Variants in PDE4D observed in about 807,000 individuals in gnomAD.
The protein encoded by PDE4D is 3',5'-cyclic-AMP phosphodiesterase 4D.
In PDE4D, 24 loss-of-function variants were observed where a neutral mutation model predicts 87.4. The observed-to-expected ratio is 0.27, with a 90% CI of 0.20 to 0.39. The LOEUF (loss-of-function observed/expected upper bound fraction) is 0.39. Among genes scored for constraint, PDE4D ranks in the 10% least tolerant of loss-of-function variants. PDE4D has a pLI of 1.00. For synonymous variants in PDE4D, 384 were observed against 383.2 expected (o/e 1.00, Z -0.02); for missense variants, 714 against 1,041.0 (o/e 0.69, Z 4.32).
intron 5 of PDE4D, among the ~76,000 whole-genome samples, chr5:59,163,587 A>G (rs944158854): frequency 1.3e-5 from 2 of 152,178 alleles, no homozygotes; most frequent in Non-Finnish European, 2.9e-5. Context: ...TGAACAATCT[A>G]TCGTACAAAT....
At chr5:59,427,651 C>G (rs971929836) in intron 1 of PDE4D, among the ~76,000 whole-genome samples, 1 of 151,990 alleles carries the variant, frequency 6.6e-6, no homozygotes, top group Non-Finnish European at 1.5e-5. Context: ...CTGGGCAACA[C>G]AGCAAGACCC....
At chr5:60,219,742 T>C (rs79896938) in intron 1 of PDE4D, among the ~76,000 whole-genome samples, 1,572 of 152,254 alleles carry the variant, frequency 0.01, 29 homozygotes, top group African/African-American at 0.036. Flanking sequence ...ACCTTAGATA[T>C]GGCAAGAAAA....
chr5:59,135,053 C>A (rs1386132244), intron 5 of PDE4D, among the ~76,000 whole-genome samples: 1 of 152,058 alleles, frequency 6.6e-6, no homozygotes, highest in Non-Finnish European at 1.5e-5. Context: ...CAGTGCGCAC[C>A]AACAAGAAGA....
At chr5:60,106,333 T>C (rs1392243180) in intron 2 of PDE4D, among the ~76,000 whole-genome samples, 1 of 151,724 alleles carries the variant, frequency 6.6e-6, no homozygotes, top group Non-Finnish European at 1.5e-5. Flanking sequence ...ATGCACCCAA[T>C]ACAGGAGCAC....
At chr5:59,301,530 C>A (rs1050719420) in intron 1 of PDE4D, among the ~76,000 whole-genome samples, 4 of 151,866 alleles carry the variant, frequency 2.6e-5, no homozygotes, top group African/African-American at 9.7e-5. Context: ...TGCCTTTTTT[C>A]CTCTGTAAAT....
Position 60,199,499 on chromosome 5 carries a change from T to C in PDE4D, c.-89-13812A>G, listed in dbSNP as rs191948377. On this transcript the variant is annotated intron_variant, in intron 1 of 16. Coordinates refer to the PDE4D transcript ENST00000502484. The stretch of plus-strand genomic sequence containing the variant: ...AAATATTATTGTGCTAATAGATGAA[T>C]TTCTTAGTGAAAATGGAAAATGGCA... Among the ~76,000 whole-genome samples the C allele has an allele frequency of 2.0e-5, 3 of 151,828 alleles. No individual in the cohort carries two copies. The East Asian group carries it at 5.8e-4, about 29-fold the overall frequency.
At chr5:59,762,260 G>A (rs1580954893) in intron 1 of PDE4D, among the ~76,000 whole-genome samples, 1 of 112,600 alleles carries the variant, frequency 8.9e-6, no homozygotes, top group East Asian at 2.3e-4. Context: ...GTACACATAT[G>A]CGTATATGTG....
At chr5:59,183,629 G>A (rs1365004724) in intron 4 of PDE4D, among the ~76,000 whole-genome samples, 2 of 152,182 alleles carry the variant, frequency 1.3e-5, no homozygotes, top group African/African-American at 2.4e-5. Flanking sequence ...CTGCAGAGCT[G>A]AGACTTTCTA....
intron 2 of PDE4D, among the ~76,000 whole-genome samples, chr5:60,009,324 G>A (rs1000809991): frequency 6.6e-6 from 1 of 151,930 alleles, no homozygotes; most frequent in Non-Finnish European, 1.5e-5. Context: ...CCTTTCTAAA[G>A]GCTCACAAGA....
In PDE4D at chr5:59,053,350, A is replaced by G. The variant is rs567822538; in HGVS notation, c.809-14379T>C. Among the ~76,000 whole-genome samples the G allele has an allele frequency of 6.3e-5, 9 of 143,042 alleles. No individual in the cohort carries two copies. In the East Asian group the frequency reaches 1.8e-3, roughly 28 times the overall value. The allele number at this position is 143,042 out of a possible 152,430, so 93.8% of individuals were successfully genotyped here. A position where few individuals can be genotyped will look rare whatever the true frequency, so the allele number is the denominator to read the frequency against. On this transcript the variant is annotated intron_variant, in intron 5 of 14. Coordinates refer to ENST00000340635, the MANE Select transcript of PDE4D (RefSeq NM_001104631.2). The stretch of plus-strand genomic sequence containing the variant: ...TTTTCTTCCAATTGTCTGAAAACAT[A>G]ATGGGTGTACATACACACACACACA...
At chr5:59,091,324 C>T (rs79520381) in intron 5 of PDE4D, among the ~76,000 whole-genome samples, 24 of 151,996 alleles carry the variant, frequency 1.6e-4, no homozygotes, top group South Asian at 4.2e-4. Context: ...TCAAGATACA[C>T]GCACATAAGT....
chr5:60,115,293 G>C (rs1333965285), intron 2 of PDE4D, among the ~76,000 whole-genome samples: 1 of 152,068 alleles, frequency 6.6e-6, no homozygotes, highest in African/African-American at 2.4e-5. Context: ...TCACTGCTGT[G>C]TTTGGCATCA....
intron 1 of PDE4D, among the ~76,000 whole-genome samples, chr5:60,315,562 A>G (rs1212901849): frequency 6.6e-6 from 1 of 152,182 alleles, no homozygotes; most frequent in Non-Finnish European, 1.5e-5. Flanking sequence ...GTCCTTGTCC[A>G]TGCCTATGTC....
At chr5:59,153,776 T>G (rs73098943) in intron 5 of PDE4D, among the ~76,000 whole-genome samples, 7,304 of 152,022 alleles carry the variant, frequency 0.048, 196 homozygotes, top group Non-Finnish European at 0.059. Context: ...TGTTGTTGTT[T>G]TTTTTTAATA....
intron 3 of PDE4D, among the ~76,000 whole-genome samples, chr5:59,903,924 G>C (rs73099570): frequency 0.021 from 3,182 of 152,234 alleles, 113 homozygotes; most frequent in African/African-American, 0.073. Flanking sequence ...GCACCAGACA[G>C]AGCAAATCAG....
intron 1 of PDE4D, among the ~76,000 whole-genome samples, chr5:59,584,683 G>A (rs1006088104): frequency 3.3e-5 from 5 of 152,158 alleles, no homozygotes; most frequent in African/African-American, 1.2e-4. Flanking sequence ...CATTCAAAGA[G>A]TACATGGATC....
chr5:60,321,536 A>G (rs999264281), intron 1 of PDE4D, among the ~76,000 whole-genome samples: 4 of 152,210 alleles, frequency 2.6e-5, no homozygotes, highest in Admixed American at 6.5e-5. Flanking sequence ...AAAATAAAAC[A>G]TTGACAAATG....
At chr5:59,173,999 T>C (rs1390168575) in intron 5 of PDE4D, among the ~76,000 whole-genome samples, 1 of 152,236 alleles carries the variant, frequency 6.6e-6, no homozygotes, top group East Asian at 1.9e-4. Flanking sequence ...TCTAAGTAAG[T>C]AGCCAGCATC....
At chr5:60,343,619 A>G (rs1758494074) in intron 1 of PDE4D, among the ~76,000 whole-genome samples, 1 of 152,124 alleles carries the variant, frequency 6.6e-6, no homozygotes, top group South Asian at 2.1e-4. Flanking sequence ...GAGGCAATGC[A>G]GAGTCCCTTG....
Sources: allele counts gnomAD v4.1 joint callset (sites outside exome capture counted in the v4.1 genomes callset), GRCh38; gene constraint gnomAD v4.1.1; transcripts MANE v1.5; gene names NCBI Gene and HGNC (gene_info 2026-07-23, HGNC 2026-07-21).